The following NBEAL1 variants were observed in gnomAD, a reference collection of about 807,000 sequenced individuals.
NBEAL1 encodes the protein neurobeachin like 1, also known as neurobeachin-like protein 1.
NBEAL1 carries 273 observed loss-of-function variants against 351.3 expected under a neutral mutation model. That is an observed-to-expected ratio of 0.78 (90% CI 0.70 to 0.86). The LOEUF is 0.86. NBEAL1 is among the 40% of genes least tolerant of loss of function. The probability of loss-of-function intolerance (pLI) is 0.00; values close to 1 mark genes in which losing one functional copy is unlikely to be tolerated. For missense variants in NBEAL1, 2,961 were observed against 3,201.3 expected (o/e 0.92, Z 1.81); for synonymous variants, 1,050 against 1,086.4 (o/e 0.97, Z 0.66).
At chr2:203,207,303 C>T (rs1249891966) in intron 51 of NBEAL1, among the ~76,000 whole-genome samples, 7 of 150,860 alleles carry the variant, frequency 4.6e-5, no homozygotes, top group Non-Finnish European at 1.0e-4. Context: ...GGTCAGCCCC[C>T]CGCCCGGCCA....
intron 29 of NBEAL1, among the ~76,000 whole-genome samples, 169 bp downstream of exon 29, chr2:203,136,943 A>G (rs974924663): frequency 2.0e-5 from 3 of 152,206 alleles, no homozygotes; most frequent in Non-Finnish European, 2.9e-5. Context: ...AGTAGGATCT[A>G]AAGAGGAATC....
intron 23 of NBEAL1, 149 bp downstream of exon 23, chr2:203,127,075 G>C (rs958905377): frequency 1.7e-6 from 1 of 571,944 alleles, no homozygotes; most frequent in African/African-American, 1.9e-5. Context: ...TTAAAATGAT[G>C]AACAGTGGAT....
chr2:203,179,132 C>T (rs968717417), intron 42 of NBEAL1, among the ~76,000 whole-genome samples: 1 of 152,106 alleles, frequency 6.6e-6, no homozygotes, highest in African/African-American at 2.4e-5. Context: ...GTAGCATAGC[C>T]TTACCTTAGA....
intron 40 of NBEAL1, 68 bp downstream of exon 40, chr2:203,172,091 C>A: frequency 1.4e-6 from 1 of 710,636 alleles, no homozygotes; most frequent in Non-Finnish European, 2.2e-6. Flanking sequence ...TAAGTATATA[C>A]ATGATACTTA....
At chr2:203,125,267 G>T in intron 19 of NBEAL1, 85 bp from the exon 20 acceptor site, 2 of 1,010,490 alleles carry the variant, frequency 2.0e-6, no homozygotes, top group Non-Finnish European at 2.8e-6. Flanking sequence ...TTATCTAGCA[G>T]ATTATAACTT....
intron 15 of NBEAL1, among the ~76,000 whole-genome samples, chr2:203,111,558 G>A (rs542106329): frequency 1.3e-5 from 2 of 152,094 alleles, no homozygotes; most frequent in African/African-American, 2.4e-5. Context: ...TTTTAGTAGA[G>A]GTGGGGTTTC....
At chr2:203,204,051 C>T (rs1207470403) in intron 51 of NBEAL1, among the ~76,000 whole-genome samples, 1 of 151,612 alleles carries the variant, frequency 6.6e-6, no homozygotes, top group Non-Finnish European at 1.5e-5. Context: ...GCCTCAGTCT[C>T]CTGAGTAGCT....
chr2:203,025,043 C>T (rs965697673), intron 2 of NBEAL1, among the ~76,000 whole-genome samples: 24 of 152,066 alleles, frequency 1.6e-4, no homozygotes, highest in African/African-American at 5.8e-4. Context: ...TAGATGTTTC[C>T]TCTTTATCTT....
chr2:203,130,412 A>G lies in NBEAL1; in HGVS notation c.3500A>G (p.Asp1167Gly). 6.5e-7 allele frequency: 1 copy of G among 1,528,294 alleles called. No homozygotes were observed. The highest frequency in any genetic ancestry group is 8.8e-7 in the Non-Finnish European group (1 of 1,138,740). The allele number at this position is 1,528,294 out of a possible 1,614,324, so 94.7% of individuals were successfully genotyped here. ...FLLLFEPGNA[D>G]ILYALLLNQK... The stretch of plus-strand genomic sequence containing the variant: ...CTGCTTTTTGAACCAGGAAATGCTG[A>G]CATACTGTACGCATTGCTCTTAAAT... Residue 1167 changes from aspartate to glycine, a missense_variant, in exon 25 of 56, where the codon GAC becomes GGC. Asp to Gly is a moderately conservative substitution (Grantham distance 94). Coordinates refer to ENST00000683969, the MANE Select transcript of NBEAL1 (RefSeq NM_001378026.1).
intron 1 of NBEAL1, 71 bp from the exon 2 acceptor site, chr2:203,016,085 A>C (rs775646391): frequency 1.6e-4 from 38 of 235,862 alleles, no homozygotes; most frequent in Admixed American, 8.2e-4. Context: ...ATACATCTTT[A>C]GTTTTTGATA....
chr2:203,209,417 C>T, intron 53 of NBEAL1, 95 bp downstream of exon 53: 2 of 917,170 alleles, frequency 2.2e-6, no homozygotes, highest in Non-Finnish European at 3.3e-6. Context: ...GGAAAGAACA[C>T]CATATTTTAA....
At chr2:203,018,977 T>C (rs1009799547) in intron 2 of NBEAL1, among the ~76,000 whole-genome samples, 2 of 152,224 alleles carry the variant, frequency 1.3e-5, no homozygotes, top group Non-Finnish European at 2.9e-5. Flanking sequence ...TAAAACAAAG[T>C]ATACATGTAT....
intron 51 of NBEAL1, among the ~76,000 whole-genome samples, chr2:203,205,944 G>T (rs912765192): frequency 2.0e-5 from 3 of 152,196 alleles, no homozygotes; most frequent in Non-Finnish European, 2.9e-5. Context: ...TGGAACAGGT[G>T]GAAGGTGTGG....
chr2:203,092,012 G>A (rs189579932), intron 10 of NBEAL1, among the ~76,000 whole-genome samples: 3 of 152,212 alleles, frequency 2.0e-5, no homozygotes, highest in Admixed American at 6.5e-5. Flanking sequence ...ACTACACCCT[G>A]CTAGTAGGAA....
At chr2:203,213,728 T>G (rs1435083206) in intron 55 of NBEAL1, 75 bp downstream of exon 55, 1 of 1,588,910 alleles carries the variant, frequency 6.3e-7, no homozygotes, top group Non-Finnish European at 8.5e-7. Context: ...TCCAACTGAT[T>G]GAGAAGTCAC....
At chr2:203,140,067 G>A (rs1003463225) in intron 31 of NBEAL1, among the ~76,000 whole-genome samples, 1 of 151,868 alleles carries the variant, frequency 6.6e-6, no homozygotes, top group Admixed American at 6.6e-5. Context: ...TTGGGAGGCC[G>A]AGGCGGGCGG....
chr2:203,136,194 G>A lies in NBEAL1; in HGVS notation c.4331G>A (p.Ser1444Asn), dbSNP rs754440971. ...KSFSVHSDRESSITNDMGFSD... is the reference protein window; with the variant it reads ...KSFSVHSDRENSITNDMGFSD... Reference sequence around the variant, plus strand: ...TTTTCTGTGCACTCTGACAGAGAAAGCAGCATCACAAATGATATGGGCTTT... The same window carrying A: ...TTTTCTGTGCACTCTGACAGAGAAAACAGCATCACAAATGATATGGGCTTT... Residue 1444 changes from serine to asparagine, a missense_variant, in exon 28 of 56, where the codon AGC (serine) becomes AAC (asparagine). Physicochemically the swap from Ser to Asn is conservative, Grantham distance 46 (BLOSUM62 1). Coordinates refer to ENST00000683969, the MANE Select transcript of NBEAL1 (RefSeq NM_001378026.1). 1.2e-6 allele frequency: 2 copies of A among 1,611,584 alleles called. No homozygotes were observed. The highest frequency in any genetic ancestry group is 2.2e-5 in the South Asian group (2 of 90,252).
Position 203,107,589 on chromosome 2 carries a change from C to G in NBEAL1, c.1369-19C>G. 2 of 1,548,022 alleles carry G rather than the reference C, an allele frequency of 1.3e-6. No homozygotes were observed. The highest frequency in any genetic ancestry group is 4.0e-5 in the Admixed American group (2 of 50,468). Reference sequence around the variant, plus strand: ...TTGAAAATGATAACTAACCTTTTATCTTTTATGTTGCTTTTCAGGCTGTAG... The same window carrying G: ...TTGAAAATGATAACTAACCTTTTATGTTTTATGTTGCTTTTCAGGCTGTAG... On this transcript the variant is annotated intron_variant, in intron 13 of 55. Transcript: ENST00000683969.
intron 35 of NBEAL1, among the ~76,000 whole-genome samples, chr2:203,154,789 A>C (rs2063753739): frequency 6.6e-6 from 1 of 152,062 alleles, no homozygotes; most frequent in Non-Finnish European, 1.5e-5. Context: ...TCTACAAAAA[A>C]TACGATTTTT....
Sources: allele counts gnomAD v4.1 joint callset (sites outside exome capture counted in the v4.1 genomes callset), GRCh38; gene constraint gnomAD v4.1.1; transcripts MANE v1.5; gene names NCBI Gene and HGNC (gene_info 2026-07-23, HGNC 2026-07-21).